Variants in BMP6 observed in about 807,000 individuals in gnomAD.
BMP6 encodes the protein VG-1-R.
In BMP6, 17 loss-of-function variants were observed where a neutral mutation model predicts 54.1. That is an observed-to-expected ratio of 0.31 (90% confidence interval 0.22 to 0.47). BMP6 has a LOEUF of 0.47. Among genes scored for constraint, BMP6 ranks in the 20% least tolerant of loss-of-function variants. The pLI, the probability that BMP6 is intolerant of heterozygous loss-of-function variation, is 1.00. For synonymous variants in BMP6, 328 were observed against 291.2 expected, an observed-to-expected ratio of 1.13 and a Z score of -1.28; for missense variants, 720 against 690.4, an observed-to-expected ratio of 1.04 and a Z score of -0.48.
intron 1 of BMP6, among the ~76,000 whole-genome samples, chr6:7,815,808 T>C (rs1235145440): frequency 6.6e-6 from 1 of 152,258 alleles, no homozygotes; most frequent in Non-Finnish European, 1.5e-5. Flanking sequence ...ACAGTAAAGA[T>C]GTGCTTCGTG....
intron 1 of BMP6, among the ~76,000 whole-genome samples, chr6:7,817,846 T>C (rs914971245): frequency 1.3e-5 from 2 of 152,192 alleles, no homozygotes; most frequent in Non-Finnish European, 2.9e-5. Flanking sequence ...GATAGAAATG[T>C]AGTGTTGCGA....
At chr6:7,727,678 C>T in intron 1 of BMP6, 59 bp downstream of exon 1, 1 of 1,442,932 alleles carries the variant, frequency 6.9e-7, no homozygotes, top group Non-Finnish European at 9.1e-7. Context: ...TGTCCCGGGC[C>T]CAGGGGATGG....
chr6:7,789,580 T>C (rs932657544), intron 1 of BMP6, among the ~76,000 whole-genome samples: 2 of 152,100 alleles, frequency 1.3e-5, no homozygotes, highest in African/African-American at 2.4e-5. Context: ...GTGGATGATA[T>C]TGAGGGGCAG....
chr6:7,824,515 G>T (rs1758662387), intron 1 of BMP6, among the ~76,000 whole-genome samples: 1 of 152,146 alleles, frequency 6.6e-6, no homozygotes, highest in Non-Finnish European at 1.5e-5. Flanking sequence ...CAAAGGGGAG[G>T]GGAAGCCCTA....
At chr6:7,734,834 C>T (rs1246847557) in intron 1 of BMP6, among the ~76,000 whole-genome samples, 3 of 152,218 alleles carry the variant, frequency 2.0e-5, no homozygotes, top group African/African-American at 7.2e-5. Context: ...ATCTCAAGCA[C>T]AGTCCCAGAT....
intron 1 of BMP6, among the ~76,000 whole-genome samples, chr6:7,843,149 T>C (rs1370757026): frequency 2.0e-5 from 3 of 152,200 alleles, no homozygotes; most frequent in African/African-American, 4.8e-5. Flanking sequence ...TAGCCACTAA[T>C]TAGAAAACCT....
intron 1 of BMP6, among the ~76,000 whole-genome samples, chr6:7,804,952 C>G (rs959527946): frequency 2.0e-5 from 3 of 152,002 alleles, no homozygotes; most frequent in Non-Finnish European, 4.4e-5. Context: ...CTCCCACTTT[C>G]CAACCAACCT....
chr6:7,791,857 A>G (rs1758113523), intron 1 of BMP6, among the ~76,000 whole-genome samples: 1 of 152,032 alleles, frequency 6.6e-6, no homozygotes, highest in South Asian at 2.1e-4. Flanking sequence ...AGTATATTTT[A>G]TATCCGTCTA....
At chr6:7,850,291 C>T (rs370405895) in intron 2 of BMP6, among the ~76,000 whole-genome samples, 28 of 152,192 alleles carry the variant, frequency 1.8e-4, no homozygotes, top group East Asian at 3.9e-4. Context: ...TACAGGCGCC[C>T]GCCACCATGC....
intron 1 of BMP6, among the ~76,000 whole-genome samples, chr6:7,783,794 C>T (rs148698487): frequency 2.1e-3 from 317 of 152,352 alleles, no homozygotes; most frequent in African/African-American, 7.4e-3. Flanking sequence ...AGAGGGAGTT[C>T]ACCTCTTCTT....
chr6:7,786,463 T>TTG (rs1491503873), intron 1 of BMP6, among the ~76,000 whole-genome samples: 29 of 24,704 alleles, frequency 1.2e-3, no homozygotes, highest in Admixed American at 8.6e-3. Flanking sequence ...TTAGTCTGTT[T>TTG]TTTTTTTTTT....
intron 1 of BMP6, among the ~76,000 whole-genome samples, chr6:7,767,541 A>C (rs1048730757): frequency 6.6e-6 from 1 of 152,318 alleles, no homozygotes; most frequent in African/African-American, 2.4e-5. Context: ...CGAGCTTCTC[A>C]GGAAACCTAG....
At chr6:7,842,179 C>T (rs187264201) in intron 1 of BMP6, among the ~76,000 whole-genome samples, 5 of 152,272 alleles carry the variant, frequency 3.3e-5, no homozygotes, top group East Asian at 1.9e-4. Flanking sequence ...AAAACAACAA[C>T]GAGTTACCAT....
intron 3 of BMP6, among the ~76,000 whole-genome samples, chr6:7,862,088 T>A (rs1465915385): frequency 6.6e-6 from 1 of 152,152 alleles, no homozygotes; most frequent in African/African-American, 2.4e-5. Flanking sequence ...CACTCCTTCA[T>A]GTGATTCTGA....
At chr6:7,798,775 G>A (rs1758228378) in intron 1 of BMP6, among the ~76,000 whole-genome samples, 1 of 152,144 alleles carries the variant, frequency 6.6e-6, no homozygotes, top group African/African-American at 2.4e-5. Context: ...GTAGCATAAG[G>A]AAAATTATAA....
intron 1 of BMP6, among the ~76,000 whole-genome samples, chr6:7,808,832 T>C (rs2113207800): frequency 6.7e-6 from 1 of 149,748 alleles, no homozygotes. Context: ...AAGGATTGCT[T>C]GAGCCCAGGA....
At chr6:7,790,698 G>C (rs1006611697) in intron 1 of BMP6, among the ~76,000 whole-genome samples, 1 of 152,038 alleles carries the variant, frequency 6.6e-6, no homozygotes, top group Admixed American at 6.5e-5. Context: ...GAGTTTGTCC[G>C]TAGCATCATG....
At chr6:7,728,520 C>T (rs992719838) in intron 1 of BMP6, among the ~76,000 whole-genome samples, 12 of 152,198 alleles carry the variant, frequency 7.9e-5, no homozygotes, top group Non-Finnish European at 1.8e-4. Flanking sequence ...CCCCCTCCCA[C>T]CCCACTGAGT....
intron 2 of BMP6, among the ~76,000 whole-genome samples, chr6:7,859,810 C>T (rs554797807): frequency 6.6e-6 from 1 of 152,268 alleles, no homozygotes; most frequent in South Asian, 2.1e-4. Flanking sequence ...CCCGCAGACT[C>T]TGTTAAGCAG....
Sources: allele counts gnomAD v4.1 joint callset (sites outside exome capture counted in the v4.1 genomes callset), GRCh38; gene constraint gnomAD v4.1.1; transcripts MANE v1.5; gene names NCBI Gene and HGNC (gene_info 2026-07-23, HGNC 2026-07-21).